Variants in PHF14 observed in about 807,000 individuals in gnomAD.
The protein encoded by PHF14 is PHD finger protein 14.
A neutral mutation model predicts 117.9 loss-of-function variants in PHF14; 55 were observed. The ratio of observed to expected loss-of-function variants is 0.47; its 90% CI spans 0.38 to 0.58. The LOEUF (loss-of-function observed/expected upper bound fraction) is 0.58. Among genes scored for constraint, PHF14 ranks in the 20% least tolerant of loss-of-function variants. PHF14 has a pLI of 0.00. For missense variants in PHF14, 978 were observed against 1,122.2 expected, an observed-to-expected ratio of 0.87 and a Z score of 1.84; for synonymous variants, 409 against 368.6, an observed-to-expected ratio of 1.11 and a Z score of -1.26.
intron 16 of PHF14, among the ~76,000 whole-genome samples, chr7:11,073,268 T>G (rs1190440898): frequency 2.0e-5 from 3 of 152,154 alleles, no homozygotes. Context: ...AAACAAGTTA[T>G]TTACTTCCAA....
At chr7:11,103,044 A>G (rs376383472) in intron 16 of PHF14, 16 of 985,616 alleles carry the variant, frequency 1.6e-5, no homozygotes, top group Middle Eastern at 1.0e-3. Flanking sequence ...AACTTCATAC[A>G]TAGATTCATA....
chr7:11,149,915 C>G (rs1280652214), intron 17 of PHF14, among the ~76,000 whole-genome samples: 2 of 151,842 alleles, frequency 1.3e-5, no homozygotes, highest in Non-Finnish European at 2.9e-5. Context: ...TGGCTAACAT[C>G]TCTAAAACAA....
chr7:11,136,999 A>G (rs1267523131), intron 17 of PHF14, among the ~76,000 whole-genome samples: 25 of 152,260 alleles, frequency 1.6e-4, no homozygotes, highest in Non-Finnish European at 3.1e-4. Flanking sequence ...CTTAATATAT[A>G]AGACATATGC....
chr7:11,042,535 G>T lies in PHF14; in HGVS notation c.2181-148G>T, dbSNP rs1450847560. 2.2e-5 allele frequency: 12 copies of T among 541,794 alleles called. No homozygotes were observed. In the East Asian group the frequency reaches 3.5e-4, roughly 16 times the overall value. 33.6% of individuals were successfully genotyped at this position (541,794 alleles called of 1,614,324 possible). A position where few individuals can be genotyped will look rare whatever the true frequency, so the allele number is the denominator to read the frequency against. ...ACAGTTACTGACATTGTAAAAAGAT[G>T]TGTTAATGAAAGAAATTGTCTATCT... On this transcript the variant is annotated intron_variant, in intron 12 of 17. Coordinates refer to ENST00000634607, the MANE Select transcript of PHF14 (RefSeq NM_001007157.2).
Position 10,990,825 on chromosome 7 carries a change from T to C in PHF14, c.1023T>C (p.Asn341=). ...CTGATGAAATAATTCAGTGTGACAA[T>C]TGTGGCATTACAGTCCATGAAGGTA... ...EDADEIIQCD[N]CGITVHEGCY... The change falls in exon 4 of 18, where the codon AAT becomes AAC. Residue 341 remains asparagine, a synonymous_variant. Transcript: ENST00000634607. The C allele has an allele frequency of 6.3e-7, 1 of 1,590,878 alleles. No homozygotes were observed. Among genetic ancestry groups the C allele is most frequent in the Non-Finnish European group, 8.6e-7 (1 of 1,166,958 alleles).
intron 17 of PHF14, among the ~76,000 whole-genome samples, chr7:11,168,631 A>T (rs1420309496): frequency 2.0e-5 from 3 of 152,256 alleles, no homozygotes; most frequent in Non-Finnish European, 4.4e-5. Flanking sequence ...GTTAATAAAA[A>T]TAAATAATCT....
chr7:11,095,360 T>A (rs1284125495), intron 16 of PHF14, among the ~76,000 whole-genome samples: 3 of 152,196 alleles, frequency 2.0e-5, no homozygotes, highest in Non-Finnish European at 4.4e-5. Flanking sequence ...AGGAACTACT[T>A]CTCCAGAATC....
chr7:11,156,002 A>G (rs913546117), intron 17 of PHF14, among the ~76,000 whole-genome samples: 6 of 152,258 alleles, frequency 3.9e-5, no homozygotes, highest in Admixed American at 3.9e-4. Flanking sequence ...AATAGAAACC[A>G]TTGGCTAAAT....
At chr7:10,992,291 T>C (rs1411405964) in intron 4 of PHF14, among the ~76,000 whole-genome samples, 2 of 150,064 alleles carry the variant, frequency 1.3e-5, no homozygotes, top group African/African-American at 4.9e-5. Flanking sequence ...TGGCCTCAAG[T>C]GATCCACCCG....
intron 5 of PHF14, among the ~76,000 whole-genome samples, chr7:11,018,937 T>G (rs186629622): frequency 6.6e-6 from 1 of 152,284 alleles, no homozygotes; most frequent in East Asian, 1.9e-4. Context: ...TTGGGGAGTT[T>G]TTATGATGAA....
chr7:11,046,177 T>C (rs1044067389), intron 13 of PHF14, among the ~76,000 whole-genome samples: 1 of 152,180 alleles, frequency 6.6e-6, no homozygotes, highest in Non-Finnish European at 1.5e-5. Context: ...TATTTTGATT[T>C]TTGTTGTTGT....
At chr7:11,055,378 C>T (rs924233932) in intron 14 of PHF14, among the ~76,000 whole-genome samples, 2 of 152,110 alleles carry the variant, frequency 1.3e-5, no homozygotes, top group Non-Finnish European at 2.9e-5. Context: ...TGTAGAAGTG[C>T]CAAAGGACTT....
At chr7:11,041,954 T>G (rs987775424) in intron 12 of PHF14, among the ~76,000 whole-genome samples, 4 of 151,696 alleles carry the variant, frequency 2.6e-5, no homozygotes, top group African/African-American at 9.7e-5. Context: ...TAAATATACT[T>G]TAGATTTTCA....
At chr7:11,163,595 A>C (rs1048379537) in intron 17 of PHF14, among the ~76,000 whole-genome samples, 3 of 152,184 alleles carry the variant, frequency 2.0e-5, no homozygotes, top group Non-Finnish European at 2.9e-5. Context: ...TATTACTATG[A>C]GGTAAATGCA....
chr7:11,162,153 A>T (rs892691914), intron 17 of PHF14, among the ~76,000 whole-genome samples: 1 of 126,562 alleles, frequency 7.9e-6, no homozygotes, highest in African/African-American at 2.9e-5. Context: ...CAGTGGTGCA[A>T]TCCTGGCTCA....
chr7:11,056,678 T>A (rs1785030067), intron 14 of PHF14, among the ~76,000 whole-genome samples: 1 of 151,408 alleles, frequency 6.6e-6, no homozygotes, highest in African/African-American at 2.4e-5. Context: ...CAATGCAGTT[T>A]CATAATTGAA....
At chr7:11,052,131 A>G (rs1784868653) in intron 14 of PHF14, among the ~76,000 whole-genome samples, 1 of 152,036 alleles carries the variant, frequency 6.6e-6, no homozygotes, top group South Asian at 2.1e-4. Context: ...TACTTTTCTC[A>G]TTCACTTCTT....
At chr7:11,088,575 A>T (rs1264674457) in intron 16 of PHF14, among the ~76,000 whole-genome samples, 1 of 152,178 alleles carries the variant, frequency 6.6e-6, no homozygotes, top group Non-Finnish European at 1.5e-5. Flanking sequence ...CATTTTAATG[A>T]AGAATTTCAT....
intron 12 of PHF14, among the ~76,000 whole-genome samples, chr7:11,042,251 T>C (rs2128323949): frequency 6.6e-6 from 1 of 152,030 alleles, no homozygotes; most frequent in East Asian, 1.9e-4. Context: ...TGGTAGGAAA[T>C]AAACTACCTT....
Sources: allele counts gnomAD v4.1 joint callset (sites outside exome capture counted in the v4.1 genomes callset), GRCh38; gene constraint gnomAD v4.1.1; transcripts MANE v1.5; gene names NCBI Gene and HGNC (gene_info 2026-07-23, HGNC 2026-07-21).